NCAN: variants seen among roughly 807,000 people sequenced by gnomAD.
NCAN encodes neurocan core protein.
Under a neutral mutation model 121.8 loss-of-function variants are expected in NCAN, and 47 were observed. The ratio of observed to expected loss-of-function variants is 0.39; its 90% CI spans 0.31 to 0.49. The LOEUF is 0.49. NCAN is among the 20% of genes least tolerant of loss of function. NCAN has a pLI of 0.92. For missense variants in NCAN, 1,517 were observed against 1,773.4 expected (o/e 0.86, Z 2.60); for synonymous variants, 633 against 702.0 (o/e 0.90, Z 1.55).
Position 19,227,412 on chromosome 19 carries a change from G to A in NCAN, c.1792G>A (p.Ala598Thr). The change falls in exon 8 of 15, where the codon GCC (alanine) becomes ACC (threonine). Residue 598 changes from alanine (A) to threonine (T), a missense_variant. Ala to Thr is a moderately conservative substitution (Grantham distance 58). Transcript: ENST00000252575. This position sits in a 1 kb window ranked among gnomAD's most constrained non-coding sequence, Gnocchi z 4.2. ...AGCCGAGGGCCCCAGTGCCAGGCCA[G>A]CCACCCCAGACCTGTTTTGGTCCCC... ...EKAEGPSARP[A>T]TPDLFWSPLE... is the part of the protein sequence containing the mutation. The A allele has an allele frequency of 6.2e-7, 1 of 1,613,708 alleles. No individual in the cohort carries two copies. Among genetic ancestry groups the A allele is most frequent in the Non-Finnish European group, 8.5e-7 (1 of 1,179,964 alleles).
At chr19:19,239,565 C>T (rs573907387) in intron 11 of NCAN, among the ~76,000 whole-genome samples, 1 of 129,786 alleles carries the variant, frequency 7.7e-6, no homozygotes, top group South Asian at 2.9e-4. Flanking sequence ...TTCTCCTCTC[C>T]ATCCTCCCTC....
In NCAN at chr19:19,248,822, G is replaced by A. The variant is rs769745144; in HGVS notation, c.3760G>A (p.Ala1254Thr). 2 of 1,614,200 alleles carry A rather than the reference G, an allele frequency of 1.2e-6. No individual in the cohort carries two copies. The highest frequency in any genetic ancestry group is 1.7e-6 in the Non-Finnish European group (2 of 1,180,040). Residue 1254 changes from alanine to threonine, a missense_variant, in exon 14 of 15, where the codon GCC becomes ACC. By Grantham distance (58) the Ala-to-Thr change is moderately conservative. Coordinates refer to ENST00000252575, the MANE Select transcript of NCAN (RefSeq NM_004386.3). ...CNEGFAQHHV[A>T]TIRCRSNGKW... ...TGAAGGATTTGCCCAGCACCATGTG[G>A]CCACCATTCGATGCCGGAGCAATGG...
Position 19,227,900 on chromosome 19 carries a change from C to A in NCAN, c.2280C>A (p.Val760=), listed in dbSNP as rs564515501. 3.2e-4 allele frequency: 512 copies of A among 1,613,696 alleles called. 5 individuals carry two copies. In the South Asian group the frequency reaches 5.2e-3, roughly 16 times the overall value. Residue 760 remains valine, a synonymous_variant, in exon 8 of 15, where the codon GTC becomes GTA. Coordinates refer to ENST00000252575, the MANE Select transcript of NCAN (RefSeq NM_004386.3). The surrounding 1 kb of genome is among the most constrained non-coding windows in gnomAD (Gnocchi z 4.2). ...LRGIPGSESG[V]FDTAESPTSG... ...GTATCCCGGGGTCTGAGTCTGGGGT[C>A]TTCGACACAGCAGAAAGCCCCACTT...
rs1182543557 is a variant in NCAN, at chr19:19,235,031, T to C, written c.3185T>C (p.Ile1062Thr). ...CCCTGTGAGAATGGAGGCACCTGTA[T>C]TGATGAGGTCAATGGCTTTGTCTGC... ...CSPCENGGTC[I>T]DEVNGFVCLC... Residue 1062 changes from isoleucine to threonine, a missense_variant, in exon 10 of 15, where the codon ATT (isoleucine) becomes ACT (threonine). Ile to Thr is a moderately conservative substitution (Grantham distance 89). Transcript: ENST00000252575. The C allele has an allele frequency of 1.1e-5, 17 of 1,613,378 alleles. No individual in the cohort carries two copies. In the East Asian group the frequency reaches 2.9e-4, roughly 27 times the overall value.
intron 11 of NCAN, among the ~76,000 whole-genome samples, chr19:19,239,758 C>T (rs2060896027): frequency 7.2e-6 from 1 of 138,302 alleles, no homozygotes; most frequent in South Asian, 2.5e-4. Flanking sequence ...ACTCCTCCTC[C>T]TTCTCCTTCC....
rs375299254 is a variant in NCAN at position 19,243,299 on chromosome 19, C to T, written c.3493-2014C>T. ...TTGGGAGGCTGAGGTGGATGGATCA[C>T]AAGGTCAGGAGTTCAAGACCAGCCT... On this transcript the variant is annotated intron_variant, in intron 12 of 14. Transcript: ENST00000252575. 1.5e-3 allele frequency among the ~76,000 whole-genome samples: 230 copies of T among 151,852 alleles called. 2 individuals are homozygous for T. Among genetic ancestry groups the T allele is most frequent in the African/African-American group, 5.5e-3 (227 of 41,464 alleles).
At chr19:19,220,602 C>T (rs1292488501) in intron 3 of NCAN, among the ~76,000 whole-genome samples, 6 of 151,926 alleles carry the variant, frequency 3.9e-5, no homozygotes, top group East Asian at 3.9e-4. Flanking sequence ...GGACTACAGG[C>T]GCCCGCCACA....
chr19:19,248,920 T>C lies in NCAN; in HGVS notation c.3820+38T>C, dbSNP rs75573174. 1,030 of 1,601,542 alleles carry C rather than the reference T, an allele frequency of 6.4e-4. 8 individuals are homozygous for C. In the African/African-American group the frequency reaches 0.013, roughly 20 times the overall value. On this transcript the variant is annotated intron_variant, in intron 14 of 14. Transcript: ENST00000252575. ...TCCCAGAGATCTCAACATAGGTTTT[T>C]GGTATTTCTAGTTTCCAAGTAAGAC...
Position 19,225,647 on chromosome 19 carries a change from A to G in NCAN, c.1072+377A>G, listed in dbSNP as rs937732951. On this transcript the variant is annotated intron_variant, in intron 6 of 14. Coordinates refer to ENST00000252575, the MANE Select transcript of NCAN (RefSeq NM_004386.3). The surrounding 1 kb of genome is among the most constrained non-coding windows in gnomAD (Gnocchi z 4.0). The stretch of plus-strand genomic sequence containing the variant: ...CCCCCGTGGAAGAGATAATGCCTCA[A>G]TTGGCCACCTCTGGGCACCACACCG... Among the ~76,000 whole-genome samples, 6 of 152,214 alleles carry G rather than the reference A, an allele frequency of 3.9e-5. 1 individual carries two copies. Among genetic ancestry groups the G allele is most frequent in the South Asian group, 4.1e-4 (2 of 4,826 alleles).
At chr19:19,236,697 TG>T (rs2060882323) in intron 10 of NCAN, among the ~76,000 whole-genome samples, 1 of 151,682 alleles carries the variant, frequency 6.6e-6, no homozygotes, top group South Asian at 2.1e-4. Flanking sequence ...CCCAAAGTGC[TG>T]GAATTACAGA....
Position 19,224,053 on chromosome 19 carries a change from C to T in NCAN, c.508C>T (p.Arg170Cys), listed in dbSNP as rs769358890. Residue 170 changes from arginine (R) to cysteine (C), a missense_variant, in exon 4 of 15, where the codon CGC becomes TGC. Transcript: ENST00000252575. ...GTTCCACTACCGATCAGCCCGGGAC[C>T]GCTATGCACTGACCTTCGCTGAGGC... ...VVFHYRSARDRYALTFAEAQE... is the reference protein window; with the variant it reads ...VVFHYRSARDCYALTFAEAQE... The T allele has an allele frequency of 8.9e-6, 14 of 1,568,234 alleles. No individual in the cohort carries two copies. Among genetic ancestry groups the T allele is most frequent in the Admixed American group, 5.5e-5 (3 of 55,014 alleles).
intron 9 of NCAN, 152 bp downstream of exon 9, chr19:19,234,057 A>G (rs2060872108): frequency 5.1e-6 from 3 of 592,908 alleles, no homozygotes; most frequent in Non-Finnish European, 9.1e-6. Context: ...CATTCAGCTA[A>G]ATCAGCCCAG....
chr19:19,214,195 C>CACACACACTT (rs2060787602), intron 1 of NCAN, among the ~76,000 whole-genome samples: 2 of 151,878 alleles, frequency 1.3e-5, no homozygotes, highest in South Asian at 4.2e-4. Flanking sequence ...GGAGGGGACA[C>CACACACACTT]ACACACACTT....
chr19:19,227,727 G>A lies in NCAN; in HGVS notation c.2107G>A (p.Ala703Thr). ...GCCCACAACACCTGAGTCCCCCAGG[G>A]CAGACTTCAGAGAAACTGGGGAGAC... ...AMPTTPESPR[A>T]DFRETGETSP... The change falls in exon 8 of 15, where the codon GCA becomes ACA. Residue 703 changes from alanine (A) to threonine (T), a missense_variant. By Grantham distance (58) the Ala-to-Thr change is moderately conservative (BLOSUM62 0). Transcript: ENST00000252575. The surrounding 1 kb of genome is among the most constrained non-coding windows in gnomAD (Gnocchi z 4.2). The A allele has an allele frequency of 2.5e-6, 4 of 1,613,908 alleles. No individual in the cohort carries two copies. The highest frequency in any genetic ancestry group is 3.4e-6 in the Non-Finnish European group (4 of 1,180,030).
Position 19,227,334 on chromosome 19 carries a change from G to C in NCAN, c.1714G>C (p.Val572Leu). The C allele has an allele frequency of 6.2e-7, 1 of 1,608,832 alleles. No homozygotes were observed. Among genetic ancestry groups the C allele is most frequent in the Non-Finnish European group, 8.5e-7 (1 of 1,177,450 alleles). Residue 572 changes from valine to leucine, a missense_variant, in exon 8 of 15, where the codon GTC (valine) becomes CTC (leucine). Coordinates refer to ENST00000252575, the MANE Select transcript of NCAN (RefSeq NM_004386.3). This position sits in a 1 kb window ranked among gnomAD's most constrained non-coding sequence, Gnocchi z 4.2. ...GCCCTGGCTGTGGCCCCCTACCATG[G>C]TCCCACCCAGCATCTCAGGCCACAG... ...PEPWLWPPTMVPPSISGHSRA... is the reference protein window; with the variant it reads ...PEPWLWPPTMLPPSISGHSRA...
rs1373359633 is a variant in NCAN at position 19,235,520 on chromosome 19, C to T, written c.3250+424C>T. 2.0e-5 allele frequency among the ~76,000 whole-genome samples: 3 copies of T among 151,884 alleles called. No individual in the cohort carries two copies. The East Asian group carries it at 5.8e-4, about 29-fold the overall frequency. On this transcript the variant is annotated intron_variant, in intron 10 of 14. Transcript: ENST00000252575. ...CTCCTGACCTCAGGTGATCCACCCA[C>T]CTTGGCATCCCAAAGTGCTGGAATT...
chr19:19,220,945 A>C lies in NCAN; in HGVS notation c.475+1629A>C, dbSNP rs2060814567. Among the ~76,000 whole-genome samples the C allele has an allele frequency of 2.6e-5, 4 of 151,782 alleles. 1 individual carries two copies. The South Asian group carries it at 8.4e-4, about 32-fold the overall frequency. ...CAAACAAACAAACAAAAAACAAAAA[A>C]CGGGGATGGGGGCCCAGTGGCTCAT... On this transcript the variant is annotated intron_variant, in intron 3 of 14. Transcript: ENST00000252575.
At chr19:19,243,515 CAAA>C (rs781710638) in intron 12 of NCAN, among the ~76,000 whole-genome samples, 10 of 42,674 alleles carry the variant, frequency 2.3e-4, no homozygotes, top group African/African-American at 7.2e-4. Context: ...GACTCCATCT[CAAA>C]AAAAAAAAAA....
intron 12 of NCAN, among the ~76,000 whole-genome samples, chr19:19,242,817 T>C (rs2060908834): frequency 6.6e-6 from 1 of 152,060 alleles, no homozygotes; most frequent in Non-Finnish European, 1.5e-5. Context: ...GGTCCATCCA[T>C]GCAATGGAAT....
Sources: gnomAD v4.1 joint callset for allele counts (sites outside exome capture counted in the v4.1 genomes callset) on GRCh38, gnomAD v4.1.1 for gene constraint, Gnocchi (gnomAD v3.1) non-coding constraint, MANE v1.5 for transcripts, NCBI Gene and HGNC (gene_info 2026-07-23, HGNC 2026-07-21) for gene names.